HIPK3: variants seen among roughly 807,000 people sequenced by gnomAD.
HIPK3 encodes the protein homeodomain interacting protein kinase 3, also known as homeodomain-interacting protein kinase 3.
HIPK3 carries 47 observed loss-of-function variants against 124.2 expected under a neutral mutation model. The ratio of observed to expected loss-of-function variants is 0.38; its 90% CI spans 0.30 to 0.48. The LOEUF is 0.48. Ranked by LOEUF, HIPK3 falls within the 20% of genes least tolerant of loss-of-function variation. The pLI is 0.98. For missense variants in HIPK3, 1,286 were observed against 1,454.3 expected, an observed-to-expected ratio of 0.88 and a Z score of 1.88; for synonymous variants, 482 against 515.2, an observed-to-expected ratio of 0.94 and a Z score of 0.87.
chr11:33,348,935 A>T (rs1404824058), intron 13 of HIPK3, 117 bp downstream of exon 13: 2 of 1,036,830 alleles, frequency 1.9e-6, no homozygotes. Context: ...AAAACCTTTA[A>T]ATTAGATAAC....
Position 33,296,907 on chromosome 11 carries a change from A to G in HIPK3, c.1097+9396A>G, listed in dbSNP as rs567527115. Among the ~76,000 whole-genome samples, 3 of 152,334 alleles carry G rather than the reference A, an allele frequency of 2.0e-5. No homozygotes were observed. The East Asian group carries it at 5.8e-4, about 29-fold the overall frequency. On this transcript the variant is annotated intron_variant, in intron 2 of 16. Transcript: ENST00000303296. ...TGTCTCTTGCTTTAAATCAAAAGCT[A>G]GAAATGATTAAGTTTAGCGAGGAAG...
At chr11:33,327,613 A>G (rs543535855) in intron 2 of HIPK3, among the ~76,000 whole-genome samples, 14 of 152,316 alleles carry the variant, frequency 9.2e-5, no homozygotes, top group Non-Finnish European at 1.9e-4. Context: ...GTAGGAGAAT[A>G]TTCTTCTTTG....
chr11:33,266,743 T>A (rs1850975592), intron 1 of HIPK3, among the ~76,000 whole-genome samples: 1 of 152,086 alleles, frequency 6.6e-6, no homozygotes, highest in African/African-American at 2.4e-5. Flanking sequence ...CAAAAAACCC[T>A]AATTTTTAAC....
chr11:33,346,131 C>T (rs1460917526), intron 8 of HIPK3, among the ~76,000 whole-genome samples: 1 of 152,148 alleles, frequency 6.6e-6, no homozygotes, highest in African/African-American at 2.4e-5. Flanking sequence ...CTTGTCAAAA[C>T]TTTAAGCTGG....
chr11:33,342,498 C>T (rs1853364329), intron 8 of HIPK3, among the ~76,000 whole-genome samples: 1 of 151,426 alleles, frequency 6.6e-6, no homozygotes, highest in South Asian at 2.1e-4. Flanking sequence ...ATTAAATCCT[C>T]AAGCGGAATG....
intron 3 of HIPK3, among the ~76,000 whole-genome samples, chr11:33,332,204 A>G (rs932290344): frequency 7.2e-5 from 11 of 152,028 alleles, no homozygotes; most frequent in Non-Finnish European, 1.2e-4. Flanking sequence ...TTCTCTTTGG[A>G]TTTTAGATTC....
chr11:33,311,175 A>T (rs1004711324), intron 2 of HIPK3, among the ~76,000 whole-genome samples: 13 of 151,904 alleles, frequency 8.6e-5, no homozygotes, highest in African/African-American at 3.1e-4. Flanking sequence ...GACTTTGCGC[A>T]TTGTTTTTTA....
intron 2 of HIPK3, among the ~76,000 whole-genome samples, chr11:33,299,019 G>A (rs1301705143): frequency 2.0e-5 from 3 of 151,678 alleles, no homozygotes; most frequent in Non-Finnish European, 2.9e-5. Flanking sequence ...GCTAATTTTT[G>A]TATTTTTAGT....
At chr11:33,290,372 A>G (rs911125391) in intron 2 of HIPK3, among the ~76,000 whole-genome samples, 4 of 152,062 alleles carry the variant, frequency 2.6e-5, no homozygotes, top group Non-Finnish European at 1.5e-5. Context: ...CTGGAAAAAA[A>G]TTGTAAAATC....
intron 8 of HIPK3, among the ~76,000 whole-genome samples, chr11:33,345,271 A>G (rs1439569898): frequency 6.6e-6 from 1 of 152,154 alleles, no homozygotes; most frequent in East Asian, 1.9e-4. Flanking sequence ...TTAGGTATTC[A>G]TCCCCTCTAG....
At chr11:33,297,328 A>G (rs541378287) in intron 2 of HIPK3, among the ~76,000 whole-genome samples, 8 of 152,264 alleles carry the variant, frequency 5.3e-5, no homozygotes, top group African/African-American at 1.7e-4. Context: ...CCTTGACCTC[A>G]GGGGATCCAC....
chr11:33,271,937 C>T (rs551546406), intron 1 of HIPK3, among the ~76,000 whole-genome samples: 24 of 152,174 alleles, frequency 1.6e-4, no homozygotes, highest in African/African-American at 5.8e-4. Context: ...ATCTGTTTTT[C>T]TATGACACTT....
intron 2 of HIPK3, among the ~76,000 whole-genome samples, chr11:33,296,716 T>C (rs1233360199): frequency 6.6e-6 from 1 of 152,222 alleles, no homozygotes; most frequent in African/African-American, 2.4e-5. Flanking sequence ...TATAAGATGG[T>C]GAACGTAATA....
intron 2 of HIPK3, among the ~76,000 whole-genome samples, chr11:33,304,983 A>G (rs1425864023): frequency 6.6e-6 from 1 of 152,228 alleles, no homozygotes; most frequent in Non-Finnish European, 1.5e-5. Flanking sequence ...GGCTTTGAAT[A>G]GGCAAAAACC....
intron 1 of HIPK3, among the ~76,000 whole-genome samples, chr11:33,276,798 C>T (rs1022292513): frequency 3.9e-5 from 6 of 152,026 alleles, no homozygotes; most frequent in Admixed American, 1.3e-4. Flanking sequence ...CCCTGCCTTC[C>T]GGATTCAAGT....
At chr11:33,334,651 T>TA (rs71034673) in intron 3 of HIPK3, among the ~76,000 whole-genome samples, 8 of 150,968 alleles carry the variant, frequency 5.3e-5, no homozygotes, top group South Asian at 2.1e-4. Context: ...TGATGAGCTT[T>TA]AAAAAAAAAA....
At position 33,353,630 on chromosome 11, in the gene HIPK3, T is replaced by G. The variant is rs560263851; in HGVS notation, c.*62T>G. On this transcript the variant is annotated 3_prime_UTR_variant, in exon 17 of 17. Coordinates refer to ENST00000303296, the MANE Select transcript of HIPK3 (RefSeq NM_005734.5). ...TTTGATTAAAAATAAAAACATGGTATTTAATATTAGCCATGGCACAAGAAA... is the reference window on the plus strand; with the variant it reads ...TTTGATTAAAAATAAAAACATGGTAGTTAATATTAGCCATGGCACAAGAAA... 1.2e-5 allele frequency: 14 copies of G among 1,125,656 alleles called. 1 individual carries two copies. In the South Asian group the frequency reaches 1.9e-4, roughly 16 times the overall value. The allele number at this position is 1,125,656 out of a possible 1,614,324, so 69.7% of individuals were successfully genotyped here.
chr11:33,307,931 T>G (rs1407262243), intron 2 of HIPK3, among the ~76,000 whole-genome samples: 2 of 152,166 alleles, frequency 1.3e-5, no homozygotes, highest in Non-Finnish European at 2.9e-5. Context: ...TTTAATATGT[T>G]TTTATTTTTG....
intron 2 of HIPK3, among the ~76,000 whole-genome samples, chr11:33,292,564 G>A (rs1851725861): frequency 1.3e-5 from 2 of 152,050 alleles, no homozygotes; most frequent in South Asian, 4.1e-4. Flanking sequence ...CTGGTCTTGA[G>A]CATTTTCTCT....
Sources: gnomAD v4.1 joint callset for allele counts (sites outside exome capture counted in the v4.1 genomes callset) on GRCh38, gnomAD v4.1.1 for gene constraint, MANE v1.5 for transcripts, NCBI Gene and HGNC (gene_info 2026-07-23, HGNC 2026-07-21) for gene names.